The following COG5 variants were observed in gnomAD, a reference collection of about 807,000 sequenced individuals.
The protein encoded by COG5 is conserved oligomeric Golgi complex subunit 5.
Under a neutral mutation model 110.4 loss-of-function variants are expected in COG5, and 86 were observed. That is an observed-to-expected ratio of 0.78 (90% CI 0.65 to 0.93). The LOEUF (loss-of-function observed/expected upper bound fraction) is 0.93. Ranked by LOEUF, COG5 falls within the 40% of genes least tolerant of loss-of-function variation. The probability of loss-of-function intolerance (pLI) is 0.00; values close to 1 mark genes in which losing one functional copy is unlikely to be tolerated. For missense variants in COG5, 1,077 were observed against 987.0 expected, an observed-to-expected ratio of 1.09 and a Z score of -1.22; for synonymous variants, 360 against 334.6, an observed-to-expected ratio of 1.08 and a Z score of -0.83.
intron 6 of COG5, among the ~76,000 whole-genome samples, chr7:107,465,394 A>T (rs947436222): frequency 1.3e-5 from 2 of 152,174 alleles, no homozygotes; most frequent in Non-Finnish European, 2.9e-5. Context: ...AATCTAACAA[A>T]ATATGTGCAG....
intron 6 of COG5, among the ~76,000 whole-genome samples, chr7:107,458,203 T>G (rs750517293): frequency 1.3e-5 from 2 of 152,196 alleles, no homozygotes; most frequent in Non-Finnish European, 1.5e-5. Context: ...AGAAAGAATT[T>G]GTTGCAAACA....
chr7:107,209,050 T>C (rs1798974168), intron 21 of COG5: 3 of 983,684 alleles, frequency 3.0e-6, no homozygotes, highest in South Asian at 4.7e-5. Context: ...TTCCAAGCTA[T>C]GTAAATGATT....
intron 6 of COG5, among the ~76,000 whole-genome samples, chr7:107,431,284 G>C (rs1163469053): frequency 1.3e-5 from 2 of 152,072 alleles, no homozygotes; most frequent in East Asian, 3.8e-4. Context: ...AAATAAAAAA[G>C]AATGAAATTT....
At chr7:107,229,520 C>A (rs902918527) in intron 19 of COG5, among the ~76,000 whole-genome samples, 2 of 152,162 alleles carry the variant, frequency 1.3e-5, no homozygotes, top group Non-Finnish European at 2.9e-5. Context: ...ACTAAATAAA[C>A]AGCCATATGA....
intron 11 of COG5, among the ~76,000 whole-genome samples, chr7:107,321,592 CCAAA>C (rs1307047140): frequency 5.9e-5 from 9 of 152,102 alleles, no homozygotes; most frequent in African/African-American, 1.7e-4. Flanking sequence ...AAAAATGGAA[CCAAA>C]CAGAGTCCAG....
At chr7:107,335,892 AAG>A (rs1466851035) in intron 10 of COG5, among the ~76,000 whole-genome samples, 1 of 152,192 alleles carries the variant, frequency 6.6e-6, no homozygotes, top group Non-Finnish European at 1.5e-5. Context: ...CATAATGAGA[AAG>A]GGGTCAATTT....
Position 107,237,229 on chromosome 7 carries a change from A to G in COG5, c.1854-542T>C, listed in dbSNP as rs577898066. On this transcript the variant is annotated intron_variant, in intron 17 of 21. Coordinates refer to ENST00000297135, the MANE Select transcript of COG5 (RefSeq NM_006348.5). ...ATGGTTATGTAACAGTACACATGGC[A>G]TGCAGTTTTTTCCTCTAGATGATGA... 2.9e-3 allele frequency among the ~76,000 whole-genome samples: 439 copies of G among 152,358 alleles called. 2 individuals carry two copies. The highest frequency in any genetic ancestry group is 4.9e-3 in the Non-Finnish European group (335 of 68,032).
intron 19 of COG5, among the ~76,000 whole-genome samples, chr7:107,212,567 G>C (rs1481906559): frequency 6.6e-6 from 1 of 152,216 alleles, no homozygotes; most frequent in Non-Finnish European, 1.5e-5. Context: ...AAAGCTCCTA[G>C]TTTTAACATA....
intron 6 of COG5, among the ~76,000 whole-genome samples, chr7:107,457,882 C>T (rs936686861): frequency 7.2e-5 from 11 of 152,168 alleles, no homozygotes; most frequent in Middle Eastern, 3.4e-3. Flanking sequence ...AACACTGATC[C>T]ATGAATATCA....
intron 6 of COG5, among the ~76,000 whole-genome samples, chr7:107,449,303 C>G (rs1284525605): frequency 6.6e-6 from 1 of 152,142 alleles, no homozygotes; most frequent in East Asian, 1.9e-4. Flanking sequence ...ACGTTCTCCA[C>G]ATGTATCCAA....
At chr7:107,279,027 C>T (rs1316291902) in intron 14 of COG5, among the ~76,000 whole-genome samples, 1 of 152,104 alleles carries the variant, frequency 6.6e-6, no homozygotes, top group Non-Finnish European at 1.5e-5. Context: ...AAAAGTTTTG[C>T]AATCTATCCA....
intron 10 of COG5, among the ~76,000 whole-genome samples, chr7:107,350,615 T>G (rs912142750): frequency 1.3e-5 from 2 of 152,222 alleles, no homozygotes; most frequent in Non-Finnish European, 2.9e-5. Flanking sequence ...AATTTTTTAC[T>G]GTGAGCTTAT....
At chr7:107,470,115 T>A (rs889468292) in intron 6 of COG5, 1 of 152,172 alleles carries the variant, frequency 6.6e-6, no homozygotes, top group Non-Finnish European at 1.5e-5. Flanking sequence ...CCGTTCCTTT[T>A]TAGAAAGACT....
intron 19 of COG5, among the ~76,000 whole-genome samples, chr7:107,229,740 TA>T (rs1364444006): frequency 6.6e-6 from 1 of 152,114 alleles, no homozygotes; most frequent in African/African-American, 2.4e-5. Flanking sequence ...CGCTCAGTAC[TA>T]AATTTTTTGC....
At chr7:107,531,757 C>T (rs1269199851) in intron 5 of COG5, among the ~76,000 whole-genome samples, 1 of 150,342 alleles carries the variant, frequency 6.7e-6, no homozygotes, top group African/African-American at 2.4e-5. Context: ...CTTATTGATG[C>T]TCAAAGTGTT....
intron 6 of COG5, chr7:107,472,369 A>T (rs2129109817): frequency 6.6e-6 from 1 of 152,162 alleles, no homozygotes; most frequent in Non-Finnish European, 1.5e-5. Context: ...GTCATAGTGA[A>T]CCAAAAGGCC....
At chr7:107,550,412 G>C (rs1380318639) in intron 3 of COG5, among the ~76,000 whole-genome samples, 1 of 152,068 alleles carries the variant, frequency 6.6e-6, no homozygotes, top group Admixed American at 6.6e-5. Context: ...CTCTTCCAAT[G>C]GTTTACCATT....
At chr7:107,298,650 G>A (rs766391447) in intron 11 of COG5, among the ~76,000 whole-genome samples, 9 of 152,034 alleles carry the variant, frequency 5.9e-5, no homozygotes, top group African/African-American at 9.7e-5. Flanking sequence ...ACAGAAAATC[G>A]GGACAGAAAA....
At chr7:107,311,424 T>C (rs1031665451) in intron 11 of COG5, among the ~76,000 whole-genome samples, 8 of 118,254 alleles carry the variant, frequency 6.8e-5, no homozygotes, top group Admixed American at 2.2e-4. Flanking sequence ...TCTCGCTCTG[T>C]CGCCCAGGCC....
Sources: allele counts gnomAD v4.1 joint callset (sites outside exome capture counted in the v4.1 genomes callset), GRCh38; gene constraint gnomAD v4.1.1; transcripts MANE v1.5; gene names NCBI Gene and HGNC (gene_info 2026-07-23, HGNC 2026-07-21).